The following ABCC3 variants were observed in gnomAD, a reference collection of about 807,000 sequenced individuals.
ABCC3 encodes the protein ATP binding cassette subfamily C member 3.
Under a neutral mutation model 165.3 loss-of-function variants are expected in ABCC3, and 121 were observed. The ratio of observed to expected loss-of-function variants is 0.73; its 90% CI spans 0.63 to 0.85. The LOEUF is 0.85. Ranked by LOEUF, ABCC3 falls within the 40% of genes least tolerant of loss-of-function variation. The pLI is 0.00. For synonymous variants in ABCC3, 733 were observed against 810.1 expected, an observed-to-expected ratio of 0.90 and a Z score of 1.62; for missense variants, 1,869 against 1,964.1, an observed-to-expected ratio of 0.95 and a Z score of 0.92.
intron 14 of ABCC3, 33 bp downstream of exon 14, chr17:50,668,550 C>T: frequency 6.5e-7 from 1 of 1,531,122 alleles, no homozygotes. Context: ...CTGCCTGCCC[C>T]AGTCCTTGCT....
At chr17:50,636,137 G>A (rs2054177410) in intron 1 of ABCC3, among the ~76,000 whole-genome samples, 1 of 152,082 alleles carries the variant, frequency 6.6e-6, no homozygotes, top group Non-Finnish European at 1.5e-5. Context: ...TCATTAAAGG[G>A]GTGTCCAGGG....
chr17:50,674,030 C>CTTTCTTTCTTTCTTTCTT (rs1567835727), intron 19 of ABCC3, among the ~76,000 whole-genome samples: 1 of 4,682 alleles, frequency 2.1e-4, no homozygotes, highest in Non-Finnish European at 3.9e-4. Flanking sequence ...CTCTCTCTCT[C>CTTTCTTTCTTTCTTTCTT]TCTCTCTTTC....
At chr17:50,680,478 C>T (rs1967908667) in intron 26 of ABCC3, among the ~76,000 whole-genome samples, 1 of 152,180 alleles carries the variant, frequency 6.6e-6, no homozygotes. Flanking sequence ...GCATCAGTGT[C>T]AAGCATCCCA....
intron 1 of ABCC3, among the ~76,000 whole-genome samples, chr17:50,650,514 C>A (rs1377588413): frequency 6.6e-6 from 1 of 152,216 alleles, no homozygotes; most frequent in African/African-American, 2.4e-5. Context: ...AAACCTCCTA[C>A]AACTCTTATA....
rs1967581626 is a variant in ABCC3 at position 50,668,851 on chromosome 17, A to C, written c.1871-2A>C. Reference sequence around the variant, plus strand: ...TGACCCTGCCCACCTTGGTCCTCTCAGGCTATGCCATCACCATACACAGTG... The same window carrying C: ...TGACCCTGCCCACCTTGGTCCTCTCCGGCTATGCCATCACCATACACAGTG... On this transcript the variant is annotated splice_acceptor_variant, in intron 14 of 30. Coordinates refer to ENST00000285238, the MANE Select transcript of ABCC3 (RefSeq NM_003786.4). LOFTEE classifies it high-confidence loss of function. 3 of 1,613,012 alleles carry C rather than the reference A, an allele frequency of 1.9e-6. No individual in the cohort carries two copies. The East Asian group carries it at 6.7e-5, about 36-fold the overall frequency.
intron 4 of ABCC3, 94 bp downstream of exon 4, chr17:50,657,277 C>A (rs2146606530): frequency 1.4e-6 from 2 of 1,478,294 alleles, no homozygotes; most frequent in South Asian, 1.3e-5. Context: ...AGGTCCCTCC[C>A]TCGAGGCTTC....
At chr17:50,673,990 C>CTT (rs1567835610) in intron 19 of ABCC3, among the ~76,000 whole-genome samples, 1 of 8,158 alleles carries the variant, frequency 1.2e-4, no homozygotes, top group Non-Finnish European at 2.3e-4. Context: ...CTCTCTCTCT[C>CTT]TCTCTCTCTC....
intron 1 of ABCC3, among the ~76,000 whole-genome samples, chr17:50,637,270 G>T (rs1384121832): frequency 1.3e-5 from 2 of 152,152 alleles, no homozygotes; most frequent in African/African-American, 4.8e-5. Flanking sequence ...AAGGAGCGTG[G>T]AGAGAGAAAG....
intron 1 of ABCC3, among the ~76,000 whole-genome samples, chr17:50,641,361 G>A (rs1444627392): frequency 6.6e-6 from 1 of 152,210 alleles, no homozygotes; most frequent in Non-Finnish European, 1.5e-5. Context: ...AATGAGAGGA[G>A]AGCCTTGAGT....
At chr17:50,669,307 G>T (rs1309764060) in intron 16 of ABCC3, 41 bp downstream of exon 16, 6 of 1,613,862 alleles carry the variant, frequency 3.7e-6, no homozygotes, top group Non-Finnish European at 5.1e-6. Flanking sequence ...GTGGGGCTCA[G>T]CCAGGCCTTG....
At chr17:50,669,651 C>A in intron 17 of ABCC3, 123 bp downstream of exon 17, 1 of 1,017,376 alleles carries the variant, frequency 9.8e-7, no homozygotes, top group Non-Finnish European at 1.4e-6. Flanking sequence ...CAACTCTGTG[C>A]CAGGCACTGG....
At chr17:50,662,707 T>G (rs1267240544) in intron 8 of ABCC3, among the ~76,000 whole-genome samples, 1 of 147,820 alleles carries the variant, frequency 6.8e-6, no homozygotes, top group African/African-American at 2.5e-5. Flanking sequence ...GGGCCCACCC[T>G]ACTCCAATAT....
chr17:50,665,781 T>TG, intron 11 of ABCC3, among the ~76,000 whole-genome samples: 1 of 116,186 alleles, frequency 8.6e-6, no homozygotes, highest in South Asian at 2.6e-4. Flanking sequence ...TATTTTTGTA[T>TG]TTTTTTTTTT....
At chr17:50,646,669 A>G (rs1466037120) in intron 1 of ABCC3, among the ~76,000 whole-genome samples, 1 of 152,214 alleles carries the variant, frequency 6.6e-6, no homozygotes, top group Non-Finnish European at 1.5e-5. Context: ...ACCATGCAGG[A>G]TCTGGGACCC....
rs148453723 is a variant in ABCC3 at position 50,667,877 on chromosome 17, C to T, written c.1650C>T (p.Thr550=). The T allele has an allele frequency of 6.2e-7, 1 of 1,613,940 alleles. No individual in the cohort carries two copies. Among genetic ancestry groups the T allele is most frequent in the African/African-American group, 1.3e-5 (1 of 74,930 alleles). Residue 550 remains threonine, a synonymous_variant, in exon 13 of 31, where the codon ACC becomes ACT. Transcript: ENST00000285238. Reference sequence around the variant, plus strand: ...ACGCTGCTCAGGTGACCCTGATCACCCTCTGGGTGTACGTGTACGTGGACC... The same window carrying T: ...ACGCTGCTCAGGTGACCCTGATCACTCTCTGGGTGTACGTGTACGTGGACC... ...MCSPFLVTLI[T]LWVYVYVDPN...
rs149186395 is a variant in ABCC3, at chr17:50,662,992, G to T, written c.999-689G>T. Among the ~76,000 whole-genome samples, 543 of 152,214 alleles carry T rather than the reference G, an allele frequency of 3.6e-3. 1 individual carries two copies. Among genetic ancestry groups the T allele is most frequent in the Non-Finnish European group, 6.0e-3 (407 of 68,000 alleles). Reference sequence around the variant, plus strand: ...CAAGTTCCTGAGGAGGCAGAGGAAGGCCAGGGCTCGGGGGCAGGGGCAGCC... The same window carrying T: ...CAAGTTCCTGAGGAGGCAGAGGAAGTCCAGGGCTCGGGGGCAGGGGCAGCC... On this transcript the variant is annotated intron_variant, in intron 8 of 30. Transcript: ENST00000285238.
At chr17:50,677,663 A>G in intron 23 of ABCC3, 81 bp from the exon 24 acceptor site, 1 of 1,389,848 alleles carries the variant, frequency 7.2e-7, no homozygotes, top group Non-Finnish European at 1.0e-6. Context: ...GACTCATCTG[A>G]AAATGGATGA....
intron 2 of ABCC3, 109 bp from the exon 3 acceptor site, chr17:50,656,593 C>T: frequency 7.0e-7 from 1 of 1,435,530 alleles, no homozygotes; most frequent in Non-Finnish European, 9.4e-7. Flanking sequence ...CAGTGCCAGT[C>T]CCAGGCAGGT....
At chr17:50,649,336 C>A (rs1205658621) in intron 1 of ABCC3, among the ~76,000 whole-genome samples, 2 of 151,946 alleles carry the variant, frequency 1.3e-5, no homozygotes, top group Non-Finnish European at 2.9e-5. Flanking sequence ...GCTTGATTGG[C>A]GACAGATCAG....
Sources: gnomAD v4.1 joint callset for allele counts (sites outside exome capture counted in the v4.1 genomes callset) on GRCh38, gnomAD v4.1.1 for gene constraint, MANE v1.5 for transcripts, NCBI Gene and HGNC (gene_info 2026-07-23, HGNC 2026-07-21) for gene names.